The following CSE1L variants were observed in gnomAD, a reference collection of about 807,000 sequenced individuals.
The protein encoded by CSE1L is exportin-2.
Under a neutral mutation model 120.4 loss-of-function variants are expected in CSE1L, and 24 were observed. That is an observed-to-expected ratio of 0.20 (90% CI 0.14 to 0.28). The LOEUF (loss-of-function observed/expected upper bound fraction) is 0.28. CSE1L is among the 10% of genes least tolerant of loss of function. The pLI, the probability that CSE1L is intolerant of heterozygous loss-of-function variation, is 1.00. For synonymous variants in CSE1L, 402 were observed against 398.3 expected (o/e 1.01, Z -0.11); for missense variants, 830 against 1,145.2 (o/e 0.72, Z 3.97).
rs1385188007 is a variant in CSE1L at position 49,087,356 on chromosome 20, T to TC, written c.1724-653_1724-652insC. ...GCTGGTTTCTTTTTCTTTTTCTTTTTTTTTTTTTTTTTTGAGAGAGAGAGG... is the reference window on the plus strand; with the variant it reads ...GCTGGTTTCTTTTTCTTTTTCTTTTTCTTTTTTTTTTTTTGAGAGAGAGAGG... On this transcript the variant is annotated intron_variant, in intron 16 of 24. Coordinates refer to ENST00000262982, the MANE Select transcript of CSE1L (RefSeq NM_001316.4). Among the ~76,000 whole-genome samples, 144 of 146,208 alleles carry TC rather than the reference T, an allele frequency of 9.8e-4. 1 individual carries two copies. The highest frequency in any genetic ancestry group is 2.9e-3 in the African/African-American group (116 of 39,832).
At chr20:49,085,478 A>G (rs950720173) in intron 16 of CSE1L, 92 bp downstream of exon 16, 16 of 755,106 alleles carry the variant, frequency 2.1e-5, no homozygotes, top group South Asian at 5.5e-5. Flanking sequence ...TATACAGTCT[A>G]TGAACCAGAT....
chr20:49,083,936 T>G (rs1466264359), intron 14 of CSE1L, 90 bp from the exon 15 acceptor site: 48 of 1,360,840 alleles, frequency 3.5e-5, no homozygotes, highest in Non-Finnish European at 4.7e-5. Flanking sequence ...CAAATTGTTC[T>G]TTAAATCAAC....
At position 49,088,116 on chromosome 20, in the gene CSE1L, C is replaced by G. The variant is rs777113169; in HGVS notation, c.1821+10C>G. The G allele has an allele frequency of 1.3e-6, 2 of 1,578,344 alleles. No homozygotes were observed. The highest frequency in any genetic ancestry group is 1.7e-6 in the Non-Finnish European group (2 of 1,150,972). ...ATTAGCTGTTAGTAAGGTAATAGAG[C>G]CAATTTTGAAAGTGGGGTTCCTTTT... On this transcript the variant is annotated intron_variant, in intron 17 of 24. Coordinates refer to ENST00000262982, the MANE Select transcript of CSE1L (RefSeq NM_001316.4).
intron 3 of CSE1L, among the ~76,000 whole-genome samples, chr20:49,065,135 G>A (rs1460813136): frequency 1.4e-5 from 2 of 144,900 alleles, no homozygotes; most frequent in Non-Finnish European, 3.0e-5. Context: ...TCCAGCCTGG[G>A]TGACAGATGG....
intron 1 of CSE1L, among the ~76,000 whole-genome samples, chr20:49,047,361 C>A (rs1289002127): frequency 1.3e-5 from 2 of 152,022 alleles, no homozygotes; most frequent in Non-Finnish European, 2.9e-5. Flanking sequence ...TCCCACCCAT[C>A]TTTCTCCTTA....
In CSE1L at chr20:49,088,084, A is replaced by G. The variant is rs1483475013; in HGVS notation, c.1799A>G (p.Gln600Arg). ...YIPTLITQLT[Q>R]KLLAVSKNPS... ...CCTACTCTCATCACTCAGCTTACACAGAAGCTATTAGCTGTTAGTAAGGTA... is the reference window on the plus strand; with the variant it reads ...CCTACTCTCATCACTCAGCTTACACGGAAGCTATTAGCTGTTAGTAAGGTA... The change falls in exon 17 of 25, where the codon CAG becomes CGG. Residue 600 changes from glutamine (Q) to arginine (R), a missense_variant. Physicochemically the swap from Gln to Arg is conservative, Grantham distance 43. Coordinates refer to ENST00000262982, the MANE Select transcript of CSE1L (RefSeq NM_001316.4). 2 of 1,611,750 alleles carry G rather than the reference A, an allele frequency of 1.2e-6. No individual in the cohort carries two copies. Among genetic ancestry groups the G allele is most frequent in the South Asian group, 1.1e-5 (1 of 90,696 alleles).
intron 1 of CSE1L, among the ~76,000 whole-genome samples, chr20:49,048,046 C>A (rs1256425522): frequency 1.3e-5 from 2 of 152,064 alleles, no homozygotes; most frequent in Non-Finnish European, 1.5e-5. Context: ...CTTGGAGGCA[C>A]AGAAGGGGAC....
chr20:49,085,670 C>G (rs1417128156), intron 16 of CSE1L, among the ~76,000 whole-genome samples: 1 of 139,004 alleles, frequency 7.2e-6, no homozygotes, highest in Non-Finnish European at 1.5e-5. Flanking sequence ...CTCCTGGGTT[C>G]AAGCGATTCT....
chr20:49,067,015 G>C (rs1039308951), intron 5 of CSE1L, among the ~76,000 whole-genome samples, 175 bp from the exon 6 acceptor site: 24 of 126,988 alleles, frequency 1.9e-4, no homozygotes, highest in African/African-American at 6.4e-4. Context: ...CTGGGCGACA[G>C]AGCGAGACTC....
chr20:49,074,696 G>A, intron 10 of CSE1L, 89 bp from the exon 11 acceptor site: 1 of 990,862 alleles, frequency 1.0e-6, no homozygotes. Context: ...TGTAGAACAA[G>A]GCAGTTTTAC....
chr20:49,064,396 A>G (rs987020252), intron 3 of CSE1L, among the ~76,000 whole-genome samples: 2 of 152,234 alleles, frequency 1.3e-5, no homozygotes, highest in Non-Finnish European at 2.9e-5. Flanking sequence ...TGATTTCTCA[A>G]GTATCACCAT....
chr20:49,048,762 A>C (rs1354103904), intron 1 of CSE1L, among the ~76,000 whole-genome samples: 1 of 152,240 alleles, frequency 6.6e-6, no homozygotes, highest in African/African-American at 2.4e-5. Context: ...TAAGTGGTAT[A>C]TTCCTATGGT....
At chr20:49,071,903 G>A (rs2091934555) in intron 8 of CSE1L, among the ~76,000 whole-genome samples, 1 of 148,718 alleles carries the variant, frequency 6.7e-6, no homozygotes, top group Non-Finnish European at 1.5e-5. Flanking sequence ...AGGAGGCGGA[G>A]CTTGCAGTGA....
intron 1 of CSE1L, among the ~76,000 whole-genome samples, chr20:49,048,544 A>G (rs889892833): frequency 9.2e-5 from 14 of 152,226 alleles, no homozygotes; most frequent in African/African-American, 3.4e-4. Flanking sequence ...ACATTTGGGT[A>G]GAGACCAGCC....
intron 8 of CSE1L, among the ~76,000 whole-genome samples, chr20:49,071,811 T>A (rs2091933812): frequency 6.6e-6 from 1 of 150,542 alleles, no homozygotes; most frequent in Non-Finnish European, 1.5e-5. Context: ...AAAAAAAAAA[T>A]ACAAAAATTA....
chr20:49,065,723 A>AACT lies in CSE1L; in HGVS notation c.229-468_229-466dup, dbSNP rs1164617220. Among the ~76,000 whole-genome samples, 5 of 148,474 alleles carry AACT rather than the reference A, an allele frequency of 3.4e-5. No individual in the cohort carries two copies. The East Asian group carries it at 9.9e-4, about 29-fold the overall frequency. On this transcript the variant is annotated intron_variant, in intron 3 of 24. Transcript: ENST00000262982. The stretch of plus-strand genomic sequence containing the variant: ...ATTCTCCTGCTTCAGCCTCCCGAGT[A>AACT]ACTGGGATTATAGGTGCCTGCCACC...
At chr20:49,077,604 A>C (rs1055939964) in intron 13 of CSE1L, among the ~76,000 whole-genome samples, 1 of 152,220 alleles carries the variant, frequency 6.6e-6, no homozygotes, top group Non-Finnish European at 1.5e-5. Flanking sequence ...TTTGCTACCT[A>C]GTGTATAAAT....
intron 16 of CSE1L, among the ~76,000 whole-genome samples, chr20:49,086,960 A>G (rs1042888126): frequency 3.3e-5 from 5 of 152,190 alleles, no homozygotes; most frequent in Admixed American, 3.3e-4. Flanking sequence ...CTTTGACTCC[A>G]GTAGAGGAGG....
At chr20:49,095,015 G>T in intron 24 of CSE1L, 52 bp downstream of exon 24, 1 of 1,385,718 alleles carries the variant, frequency 7.2e-7, no homozygotes, top group Non-Finnish European at 1.0e-6. Context: ...TAATGGGAGG[G>T]CAAAAGGATA....
Sources: gnomAD v4.1 joint callset for allele counts (sites outside exome capture counted in the v4.1 genomes callset) on GRCh38, gnomAD v4.1.1 for gene constraint, MANE v1.5 for transcripts, NCBI Gene and HGNC (gene_info 2026-07-23, HGNC 2026-07-21) for gene names.